Variants in HTR1E observed in about 807,000 individuals in gnomAD.
The protein encoded by HTR1E is 5-hydroxytryptamine receptor 1E, also known as 5-HT-1E.
A neutral mutation model predicts 3.4 loss-of-function variants in HTR1E; 3 were observed. The observed-to-expected ratio is 0.89, with a 90% CI of 0.41 to 2.31. The LOEUF is 2.31. HTR1E is among the 30% of genes most tolerant of loss of function. The pLI is 0.05. For missense variants in HTR1E, 392 were observed against 467.0 expected, an observed-to-expected ratio of 0.84 and a Z score of 1.48; for synonymous variants, 170 against 182.8, an observed-to-expected ratio of 0.93 and a Z score of 0.56.
intron 1 of HTR1E, among the ~76,000 whole-genome samples, chr6:86,943,633 G>A (rs948219996): frequency 2.0e-5 from 3 of 152,188 alleles, no homozygotes; most frequent in Non-Finnish European, 4.4e-5. Context: ...AACACAGCAT[G>A]GGGCTCAAGC....
chr6:86,971,036 T>C (rs999733076), intron 1 of HTR1E: 10 of 506,586 alleles, frequency 2.0e-5, no homozygotes, highest in South Asian at 7.4e-5. Context: ...ATCTATACTG[T>C]TGGAAAACAC....
intron 1 of HTR1E, among the ~76,000 whole-genome samples, chr6:86,986,247 T>C (rs1264060974): frequency 6.6e-6 from 1 of 152,216 alleles, no homozygotes; most frequent in Non-Finnish European, 1.5e-5. Context: ...ATATATGCTT[T>C]TTTTCACAGG....
chr6:87,010,476 C>G (rs563803524), intron 1 of HTR1E, among the ~76,000 whole-genome samples: 1 of 148,772 alleles, frequency 6.7e-6, no homozygotes, highest in African/African-American at 2.5e-5. Context: ...GACGGGGTCT[C>G]GGCCGGGCAG....
rs140890016 is a variant in HTR1E at position 86,953,006 on chromosome 6, C to T, written c.-186+15183C>T. 1.1e-4 allele frequency among the ~76,000 whole-genome samples: 16 copies of T among 152,272 alleles called. No individual in the cohort carries two copies. In the East Asian group the frequency reaches 3.1e-3, roughly 29 times the overall value. On this transcript the variant is annotated intron_variant, in intron 1 of 1. Transcript: ENST00000305344. ...GATGGGTTCCTTCCTAAATCAAGTA[C>T]TTCACTACAATATAATGCAAATAAA...
At chr6:86,946,035 G>A (rs560731412) in intron 1 of HTR1E, among the ~76,000 whole-genome samples, 1 of 152,158 alleles carries the variant, frequency 6.6e-6, no homozygotes, top group South Asian at 2.1e-4. Flanking sequence ...CACCACACCC[G>A]GCCTAATTAA....
chr6:86,987,107 C>T (rs1767799752), intron 1 of HTR1E, among the ~76,000 whole-genome samples: 1 of 152,048 alleles, frequency 6.6e-6, no homozygotes. Context: ...AGAATGCATG[C>T]TCCCCAACCC....
chr6:86,995,644 T>A (rs1315509403), intron 1 of HTR1E, among the ~76,000 whole-genome samples: 1 of 110,482 alleles, frequency 9.1e-6, no homozygotes, highest in Non-Finnish European at 1.6e-5. Flanking sequence ...CCAGCCTGGG[T>A]GACAGAGTGA....
intron 1 of HTR1E, among the ~76,000 whole-genome samples, chr6:86,994,770 A>C (rs946454107): frequency 6.6e-6 from 1 of 152,198 alleles, no homozygotes; most frequent in Admixed American, 6.5e-5. Flanking sequence ...TTAAAGCAAA[A>C]TTGTAACAGT....
chr6:86,954,512 C>T (rs187403736), intron 1 of HTR1E, among the ~76,000 whole-genome samples: 1 of 152,258 alleles, frequency 6.6e-6, no homozygotes, highest in East Asian at 1.9e-4. Flanking sequence ...AGTGATTCAT[C>T]CCAATTCATC....
chr6:86,982,067 G>T (rs1461719215), intron 1 of HTR1E, among the ~76,000 whole-genome samples: 1 of 152,318 alleles, frequency 6.6e-6, no homozygotes, highest in East Asian at 1.9e-4. Context: ...GGTGGGCTGG[G>T]CCTGGCCTCA....
At chr6:86,975,538 C>A (rs956367418) in intron 1 of HTR1E, among the ~76,000 whole-genome samples, 8 of 152,004 alleles carry the variant, frequency 5.3e-5, no homozygotes, top group Non-Finnish European at 1.2e-4. Context: ...CCACCCACCC[C>A]CTGTGATATC....
intron 1 of HTR1E, among the ~76,000 whole-genome samples, chr6:86,993,716 A>G (rs1365622541): frequency 6.6e-6 from 1 of 152,194 alleles, no homozygotes; most frequent in Non-Finnish European, 1.5e-5. Flanking sequence ...CAGAAGATTC[A>G]AAGAAGATCC....
chr6:87,004,721 T>C (rs1024053804), intron 1 of HTR1E, among the ~76,000 whole-genome samples: 3 of 152,120 alleles, frequency 2.0e-5, no homozygotes, highest in Non-Finnish European at 4.4e-5. Flanking sequence ...TTATTTAACA[T>C]AGTGCTGGAA....
chr6:86,971,521 T>C (rs1322715601), intron 1 of HTR1E, among the ~76,000 whole-genome samples: 1 of 152,024 alleles, frequency 6.6e-6, no homozygotes, highest in African/African-American at 2.4e-5. Context: ...TCAAAAGTCA[T>C]TGATATGTGT....
Position 86,988,082 on chromosome 6 carries a change from G to C in HTR1E, c.-185-27068G>C, listed in dbSNP as rs147675479. On this transcript the variant is annotated intron_variant, in intron 1 of 1. Transcript: ENST00000305344. ...TAGGTCATCTCCATTAAAAAGAGAA[G>C]GTAAAGAGACACAGAAATATTGACT... 1.3e-4 allele frequency among the ~76,000 whole-genome samples: 20 copies of C among 152,216 alleles called. No individual in the cohort carries two copies. In the East Asian group the frequency reaches 3.9e-3, roughly 29 times the overall value.
At chr6:87,011,265 T>G (rs1270943369) in intron 1 of HTR1E, among the ~76,000 whole-genome samples, 1 of 152,172 alleles carries the variant, frequency 6.6e-6, no homozygotes, top group Non-Finnish European at 1.5e-5. Context: ...ACAGAAACCT[T>G]GCAGCAGGAG....
intron 1 of HTR1E, among the ~76,000 whole-genome samples, chr6:86,947,944 C>A (rs1040308647): frequency 2.0e-5 from 3 of 152,084 alleles, no homozygotes; most frequent in African/African-American, 7.2e-5. Flanking sequence ...TGTACATGTG[C>A]CACGGTGGTT....
intron 1 of HTR1E, among the ~76,000 whole-genome samples, chr6:86,980,121 C>G (rs1394742924): frequency 6.6e-6 from 1 of 152,146 alleles, no homozygotes; most frequent in Non-Finnish European, 1.5e-5. Context: ...GGCGCGGTGG[C>G]TCACGCCTGT....
At position 87,015,206 on chromosome 6, in the gene HTR1E, C is replaced by T. The variant is rs565157106; in HGVS notation, c.-129C>T. 2.2e-4 allele frequency: 141 copies of T among 640,844 alleles called. No individual in the cohort carries two copies. The African/African-American group carries it at 2.4e-3, about 11-fold the overall frequency. 39.7% of individuals were successfully genotyped at this position (640,844 alleles called of 1,614,324 possible). The stretch of plus-strand genomic sequence containing the variant: ...TTCCCTTTACCAACAGAAAATGGAA[C>T]ACAAGAGACCACATAGCTGAACAAA... On this transcript the variant is annotated 5_prime_UTR_variant, in exon 2 of 2. Coordinates refer to ENST00000305344, the MANE Select transcript of HTR1E (RefSeq NM_000865.3).
Sources: gnomAD v4.1 joint callset for allele counts (sites outside exome capture counted in the v4.1 genomes callset) on GRCh38, gnomAD v4.1.1 for gene constraint, MANE v1.5 for transcripts, NCBI Gene and HGNC (gene_info 2026-07-23, HGNC 2026-07-21) for gene names.